Variants in TPTE observed in about 807,000 individuals in gnomAD.
The protein encoded by TPTE is putative tyrosine-protein phosphatase TPTE.
In TPTE, 59 loss-of-function variants were observed where a neutral mutation model predicts 84.1. The ratio of observed to expected loss-of-function variants is 0.70; its 90% CI spans 0.57 to 0.87. TPTE has a LOEUF of 0.87. Among genes scored for constraint, TPTE ranks in the 40% least tolerant of loss-of-function variants. The pLI is 0.00. For synonymous variants in TPTE, 130 were observed against 223.5 expected (o/e 0.58, Z 3.73); for missense variants, 382 against 659.6 (o/e 0.58, Z 4.61).
At chr21:10,590,837 A>T (rs2075461433) in intron 18 of TPTE, among the ~76,000 whole-genome samples, 1 of 152,312 alleles carries the variant, frequency 6.6e-6, no homozygotes, top group Admixed American at 6.5e-5. Context: ...TTAATGCAAA[A>T]AATCGATGAT....
At chr21:10,572,793 G>A (rs1264635329) in intron 14 of TPTE, among the ~76,000 whole-genome samples, 2 of 144,712 alleles carry the variant, frequency 1.4e-5, no homozygotes, top group African/African-American at 2.8e-5. Flanking sequence ...GATTACCATT[G>A]TCAAAAACAC....
In TPTE at chr21:10,526,512, C is replaced by T. The variant is rs540847142; in HGVS notation, c.-101-843C>T. Among the ~76,000 whole-genome samples the T allele has an allele frequency of 3.2e-4, 49 of 152,406 alleles. No individual in the cohort carries two copies. The South Asian group carries it at 9.8e-3, about 30-fold the overall frequency. On this transcript the variant is annotated intron_variant, in intron 2 of 23. Coordinates refer to ENST00000618007, the MANE Select transcript of TPTE (RefSeq NM_199261.4). ...TCAAATAGGTTAAGAAACCTCAGCA[C>T]ACTCTTAGAGAATCCCAGTTGTTAT...
At chr21:10,558,106 T>G (rs62212564) in intron 8 of TPTE, among the ~76,000 whole-genome samples, 22,832 of 144,714 alleles carry the variant, frequency 0.16, 23 homozygotes, top group Middle Eastern at 0.26. Context: ...TATGGCTGTA[T>G]AGTATTCCAT....
chr21:10,592,942 C>A (rs1177095388), intron 19 of TPTE, among the ~76,000 whole-genome samples: 2 of 152,310 alleles, frequency 1.3e-5, no homozygotes, highest in Non-Finnish European at 2.9e-5. Context: ...TTTTACATAT[C>A]TCATTTAATA....
intron 21 of TPTE, among the ~76,000 whole-genome samples, chr21:10,600,140 CTTTTTTTTT>C (rs71217979): frequency 7.0e-6 from 1 of 142,476 alleles, no homozygotes; most frequent in Non-Finnish European, 1.5e-5. Context: ...TTTTCTTTTT[CTTTTTTTTT>C]TTTTTTTGAG....
intron 10 of TPTE, among the ~76,000 whole-genome samples, chr21:10,566,977 CAAAA>C (rs141155041): frequency 7.9e-6 from 1 of 126,112 alleles, no homozygotes; most frequent in African/African-American, 2.7e-5. Flanking sequence ...AACTCCATCT[CAAAA>C]AAAAAAAAAA....
intron 10 of TPTE, among the ~76,000 whole-genome samples, chr21:10,565,651 A>G (rs1340646535): frequency 5.2e-5 from 8 of 152,422 alleles, no homozygotes; most frequent in Middle Eastern, 3.4e-3. Context: ...CTGGCATAAA[A>G]ACAGACACAC....
chr21:10,570,972 A>T (rs1335901075), intron 14 of TPTE, among the ~76,000 whole-genome samples: 1 of 152,304 alleles, frequency 6.6e-6, no homozygotes, highest in African/African-American at 2.4e-5. Flanking sequence ...CCCAAGGCCC[A>T]TCCCATCTGG....
chr21:10,562,509 T>C (rs951390033), intron 10 of TPTE, among the ~76,000 whole-genome samples: 1 of 152,310 alleles, frequency 6.6e-6, no homozygotes, highest in African/African-American at 2.4e-5. Context: ...CTCAAAGAAA[T>C]TCAAGATAAC....
intron 23 of TPTE, among the ~76,000 whole-genome samples, chr21:10,604,531 T>C (rs1979032115): frequency 6.6e-6 from 1 of 152,312 alleles, no homozygotes; most frequent in Non-Finnish European, 1.5e-5. Flanking sequence ...ATTAAACCTC[T>C]GGTCTGCACA....
intron 7 of TPTE, among the ~76,000 whole-genome samples, chr21:10,546,429 A>G (rs1374836433): frequency 6.6e-6 from 1 of 152,308 alleles, no homozygotes; most frequent in East Asian, 1.9e-4. Flanking sequence ...TAAGCCTATG[A>G]TGGTCTCTGA....
chr21:10,602,859 C>T, intron 22 of TPTE: 1 of 517,866 alleles, frequency 1.9e-6, no homozygotes. Flanking sequence ...AGAGTGGAAG[C>T]CTTTATTGGG....
At chr21:10,549,878 T>C (rs1474580575) in intron 7 of TPTE, among the ~76,000 whole-genome samples, 5 of 152,300 alleles carry the variant, frequency 3.3e-5, no homozygotes, top group African/African-American at 1.2e-4. Context: ...TATAGTCAAA[T>C]TGTGAAAAAT....
intron 10 of TPTE, among the ~76,000 whole-genome samples, chr21:10,563,813 C>T (rs1486577993): frequency 2.0e-5 from 3 of 152,310 alleles, no homozygotes; most frequent in Non-Finnish European, 4.4e-5. Flanking sequence ...CATTGAATGT[C>T]AGTAGACTAA....
chr21:10,532,408 T>C (rs1164438320), intron 3 of TPTE, among the ~76,000 whole-genome samples: 3 of 152,308 alleles, frequency 2.0e-5, no homozygotes, highest in Admixed American at 6.5e-5. Flanking sequence ...TTGATTATTA[T>C]TGCCACAGGT....
At chr21:10,522,348 G>C (rs1329572009) in intron 1 of TPTE, among the ~76,000 whole-genome samples, 1 of 152,284 alleles carries the variant, frequency 6.6e-6, no homozygotes, top group Non-Finnish European at 1.5e-5. Flanking sequence ...GCCGGGAGCG[G>C]GGGTCCGGGG....
intron 23 of TPTE, among the ~76,000 whole-genome samples, chr21:10,604,281 G>A (rs1323559070): frequency 6.6e-6 from 1 of 152,312 alleles, no homozygotes; most frequent in Non-Finnish European, 1.5e-5. Context: ...CAGTCTAGAA[G>A]TTCTCCACTG....
chr21:10,578,184 G>A (rs1828006), intron 15 of TPTE, among the ~76,000 whole-genome samples, 153 bp from the exon 16 acceptor site: 9,340 of 139,558 alleles, frequency 0.067, no homozygotes, highest in African/African-American at 0.17. Flanking sequence ...TTTTTGAAAC[G>A]CTTGCGTTTA....
intron 20 of TPTE, 117 bp downstream of exon 20, chr21:10,596,204 A>G (rs1395844381): frequency 3.7e-5 from 51 of 1,375,200 alleles, no homozygotes; most frequent in Non-Finnish European, 4.8e-5. Flanking sequence ...GTCTTTTTAC[A>G]TATCCTCACA....
Sources: allele counts gnomAD v4.1 joint callset (sites outside exome capture counted in the v4.1 genomes callset), GRCh38; gene constraint gnomAD v4.1.1; transcripts MANE v1.5; gene names NCBI Gene and HGNC (gene_info 2026-07-23, HGNC 2026-07-21).